The following PDE10A variants were observed in gnomAD, a reference collection of about 807,000 sequenced individuals.
PDE10A encodes phosphodiesterase 10A.
A neutral mutation model predicts 97.7 loss-of-function variants in PDE10A; 39 were observed. The ratio of observed to expected loss-of-function variants is 0.40; its 90% CI spans 0.31 to 0.52. PDE10A has a LOEUF of 0.52. PDE10A is among the 20% of genes least tolerant of loss of function. The pLI, the probability that PDE10A is intolerant of heterozygous loss-of-function variation, is 0.56. For missense variants in PDE10A, 731 were observed against 1,047.8 expected (o/e 0.70, Z 4.17); for synonymous variants, 371 against 376.8 (o/e 0.98, Z 0.18).
chr6:165,931,324 C>T (rs1783126987), intron 1 of PDE10A, among the ~76,000 whole-genome samples: 1 of 152,196 alleles, frequency 6.6e-6, no homozygotes, highest in Non-Finnish European at 1.5e-5. Context: ...ATAGATACCA[C>T]ATCTGTCTAC....
At chr6:165,341,440 T>C (rs1583068583) in intron 19 of PDE10A, among the ~76,000 whole-genome samples, 1 of 152,360 alleles carries the variant, frequency 6.6e-6, no homozygotes, top group East Asian at 1.9e-4. Context: ...TATTACAGTC[T>C]ATAGTTATGC....
At chr6:165,632,414 A>C (rs765934981) in intron 1 of PDE10A, among the ~76,000 whole-genome samples, 61 of 152,240 alleles carry the variant, frequency 4.0e-4, no homozygotes, top group Admixed American at 3.3e-3. Context: ...CCCTGAGGAC[A>C]AACAGTGAGA....
At chr6:165,499,521 T>C (rs187804029) in intron 2 of PDE10A, among the ~76,000 whole-genome samples, 1 of 152,330 alleles carries the variant, frequency 6.6e-6, no homozygotes, top group East Asian at 1.9e-4. Context: ...TTCTGTTGTA[T>C]CAGTTAGGAA....
At chr6:165,773,137 G>A (rs917022063) in intron 1 of PDE10A, 2 of 152,094 alleles carry the variant, frequency 1.3e-5, no homozygotes, top group Non-Finnish European at 2.9e-5. Flanking sequence ...CTTAAAATAC[G>A]CACATCCGTA....
intron 3 of PDE10A, among the ~76,000 whole-genome samples, 194 bp from the exon 4 acceptor site, chr6:165,450,556 CTATTTATT>C (rs573748805): frequency 6.6e-6 from 1 of 151,518 alleles, no homozygotes; most frequent in African/African-American, 2.4e-5. Context: ...ATTGCTATGA[CTATTTATT>C]TATTTATTTA....
chr6:165,820,243 G>T (rs1779531896), intron 1 of PDE10A, among the ~76,000 whole-genome samples: 1 of 152,088 alleles, frequency 6.6e-6, no homozygotes, highest in South Asian at 2.1e-4. Context: ...TAGAACAAAG[G>T]GTGGTTTTTA....
intron 1 of PDE10A, among the ~76,000 whole-genome samples, chr6:165,860,720 T>G (rs762656184): frequency 1.3e-5 from 2 of 152,190 alleles, no homozygotes; most frequent in Non-Finnish European, 2.9e-5. Context: ...CTGTGAGTAA[T>G]GAGGGAGCTG....
At chr6:165,960,314 TG>T (rs112342402) in intron 1 of PDE10A, among the ~76,000 whole-genome samples, 3 of 152,340 alleles carry the variant, frequency 2.0e-5, no homozygotes, top group African/African-American at 7.2e-5. Context: ...AGCACAAAGT[TG>T]TCAAAGAACA....
At chr6:165,941,101 G>A (rs1219019628) in intron 1 of PDE10A, among the ~76,000 whole-genome samples, 2 of 151,984 alleles carry the variant, frequency 1.3e-5, no homozygotes, top group African/African-American at 4.8e-5. Flanking sequence ...TCTCACACTT[G>A]GTACTCTGAC....
At chr6:165,632,591 T>A (rs1286312083) in intron 1 of PDE10A, among the ~76,000 whole-genome samples, 2 of 152,198 alleles carry the variant, frequency 1.3e-5, no homozygotes, top group Non-Finnish European at 2.9e-5. Context: ...CAGGACTTAC[T>A]GCAATCCCTG....
intron 15 of PDE10A, among the ~76,000 whole-genome samples, chr6:165,394,393 G>A (rs1333664453): frequency 6.6e-6 from 1 of 152,064 alleles, no homozygotes; most frequent in African/African-American, 2.4e-5. Context: ...CAAAGGACAT[G>A]AACTCATCCT....
Position 165,331,706 on chromosome 6 carries a change from A to G in PDE10A, c.*1319T>C, listed in dbSNP as rs961793487. 2.0e-5 allele frequency: 3 copies of G among 152,196 alleles called. No homozygotes were observed. The highest frequency in any genetic ancestry group is 2.9e-5 in the Non-Finnish European group (2 of 68,044). The allele number at this position is 152,196 out of a possible 1,614,324, so 9.4% of individuals were successfully genotyped here. A position where few individuals can be genotyped will look rare whatever the true frequency, so the allele number is the denominator to read the frequency against. ...ATGCGCCAGAAGTGACTGCTTTATC[A>G]TCTTTGTAGGAAGGGGTGCAGAGTA... On this transcript the variant is annotated 3_prime_UTR_variant, in exon 22 of 22. Coordinates refer to ENST00000539869, the MANE Select transcript of PDE10A (RefSeq NM_001385079.1).
intron 1 of PDE10A, among the ~76,000 whole-genome samples, chr6:165,648,141 T>C (rs528264813): frequency 2.0e-4 from 31 of 152,198 alleles, no homozygotes; most frequent in Middle Eastern, 6.8e-3. Context: ...GCCTCCCGAG[T>C]AGCTGGGACT....
chr6:165,930,842 G>A lies in PDE10A; in HGVS notation c.-615+56687C>T, dbSNP rs115715331. ...AAGGCTCCCGGCTCACTGACACGAG[G>A]GGAGCTTCACCGTGGCTCTTCGCAG... is the stretch of plus-strand genomic sequence containing the variant. On this transcript the variant is annotated intron_variant, in intron 1 of 19. Transcript: ENST00000366882. Among the ~76,000 whole-genome samples the A allele has an allele frequency of 7.1e-3, 1,079 of 152,354 alleles. 14 individuals are homozygous for A. The highest frequency in any genetic ancestry group is 0.023 in the African/African-American group (947 of 41,598).
chr6:165,405,171 C>G (rs1031916311), intron 13 of PDE10A, among the ~76,000 whole-genome samples: 1 of 152,150 alleles, frequency 6.6e-6, no homozygotes, highest in Non-Finnish European at 1.5e-5. Flanking sequence ...AAAAATGACT[C>G]TCTAGCTGTG....
chr6:165,600,250 A>G (rs1034820577), intron 1 of PDE10A, among the ~76,000 whole-genome samples: 1 of 152,170 alleles, frequency 6.6e-6, no homozygotes, highest in African/African-American at 2.4e-5. Context: ...CACTGCCAAA[A>G]CAGCCTGCAG....
At position 165,819,731 on chromosome 6, in the gene PDE10A, T is replaced by C. The variant is rs1779517013; in HGVS notation, c.-615+167798A>G. On this transcript the variant is annotated intron_variant, in intron 1 of 19. Coordinates refer to the PDE10A transcript ENST00000366882. This position sits in a 1 kb window ranked among gnomAD's most constrained non-coding sequence, Gnocchi z 4.2. ...GTACTCCTCACCCGCCCTCCCGCTG[T>C]GAGCACATTCCGGCCAGGATCTGAA... is the stretch of plus-strand genomic sequence containing the variant. Among the ~76,000 whole-genome samples, 1 of 152,178 alleles carries C rather than the reference T, an allele frequency of 6.6e-6. No homozygotes were observed. Among genetic ancestry groups the C allele is most frequent in the South Asian group, 2.1e-4 (1 of 4,824 alleles).
intron 1 of PDE10A, among the ~76,000 whole-genome samples, chr6:165,746,215 G>T (rs1297394999): frequency 1.3e-5 from 2 of 152,132 alleles, no homozygotes; most frequent in African/African-American, 4.8e-5. Flanking sequence ...GATATAAATA[G>T]CACCAAAAAA....
At chr6:165,726,733 C>T (rs1050797666) in intron 1 of PDE10A, among the ~76,000 whole-genome samples, 1 of 152,246 alleles carries the variant, frequency 6.6e-6, no homozygotes, top group African/African-American at 2.4e-5. Flanking sequence ...CCCTCCCCGG[C>T]CATCTGCGGG....
Sources: allele counts gnomAD v4.1 joint callset (sites outside exome capture counted in the v4.1 genomes callset), GRCh38; gene constraint gnomAD v4.1.1; non-coding constraint Gnocchi (gnomAD v3.1); transcripts MANE v1.5; gene names NCBI Gene and HGNC (gene_info 2026-07-23, HGNC 2026-07-21).